Variants in NIBAN1 observed in about 807,000 individuals in gnomAD.
NIBAN1 encodes protein Niban 1.
In NIBAN1, 81 loss-of-function variants were observed where a neutral mutation model predicts 75.1. That is an observed-to-expected ratio of 1.08 (90% CI 0.90 to 1.30). The LOEUF is 1.30. Ranked by LOEUF, NIBAN1 falls within the 50% of genes most tolerant of loss-of-function variation. The pLI, the probability that NIBAN1 is intolerant of heterozygous loss-of-function variation, is 0.00. For missense variants in NIBAN1, 1,133 were observed against 1,128.1 expected, an observed-to-expected ratio of 1.00 and a Z score of -0.06; for synonymous variants, 436 against 424.8, an observed-to-expected ratio of 1.03 and a Z score of -0.32.
intron 1 of NIBAN1, among the ~76,000 whole-genome samples, chr1:184,899,730 G>A (rs545776649): frequency 2.9e-4 from 44 of 149,830 alleles, no homozygotes; most frequent in African/African-American, 1.0e-3. Flanking sequence ...TATTCTCCTC[G>A]ACCTCCAGTC....
chr1:184,957,827 G>T (rs899405008), intron 1 of NIBAN1, among the ~76,000 whole-genome samples: 1 of 152,194 alleles, frequency 6.6e-6, no homozygotes, highest in African/African-American at 2.4e-5. Context: ...TTTTCCAAAG[G>T]TGAAAGCTCC....
chr1:184,901,503 G>A (rs550629268), intron 1 of NIBAN1, among the ~76,000 whole-genome samples: 1 of 152,226 alleles, frequency 6.6e-6, no homozygotes, highest in South Asian at 2.1e-4. Flanking sequence ...GACAGTGTGG[G>A]AATTCCCACA....
At chr1:184,964,067 A>G (rs1447165517) in intron 1 of NIBAN1, among the ~76,000 whole-genome samples, 1 of 150,644 alleles carries the variant, frequency 6.6e-6, no homozygotes, top group Non-Finnish European at 1.5e-5. Context: ...AATAAGCTAA[A>G]AAAAAAAAAA....
chr1:184,894,108 AT>A lies in NIBAN1; in HGVS notation c.284del (p.Asn95MetfsTer32). On this transcript the variant is annotated frameshift_variant, in exon 3 of 14. Coordinates refer to ENST00000367511, the MANE Select transcript of NIBAN1 (RefSeq NM_052966.4). LOFTEE classifies it high-confidence loss of function. The stretch of plus-strand genomic sequence containing the variant: ...TCTCATAGCTCTCCACAGCATAATC[AT>A]TTTTAACTACAACGTATCTCTCCTT... ...KWKERYVVVK[N>X]DYAVESYENK... 1 of 1,612,328 alleles carries A rather than the reference AT, an allele frequency of 6.2e-7. No homozygotes were observed.
chr1:184,964,618 G>A (rs1658732011), intron 1 of NIBAN1, among the ~76,000 whole-genome samples: 1 of 152,136 alleles, frequency 6.6e-6, no homozygotes, highest in East Asian at 1.9e-4. Context: ...GCTCATGCAT[G>A]CAATGCTCTT....
intron 5 of NIBAN1, among the ~76,000 whole-genome samples, chr1:184,835,033 G>A (rs76805606): frequency 0.99 from 150,097 of 152,322 alleles, 73,959 homozygotes; most frequent in East Asian, 1. Flanking sequence ...GGTGTAAGGA[G>A]GGGATCCAGT....
At chr1:184,828,779 A>G (rs76148766) in intron 6 of NIBAN1, among the ~76,000 whole-genome samples, 8,400 of 151,398 alleles carry the variant, frequency 0.055, 276 homozygotes, top group Middle Eastern at 0.088. Context: ...TATTTTACCA[A>G]AACACTTAAA....
chr1:184,814,966 A>C (rs1490642617), intron 9 of NIBAN1, among the ~76,000 whole-genome samples: 1 of 152,218 alleles, frequency 6.6e-6, no homozygotes, highest in African/African-American at 2.4e-5. Flanking sequence ...TCCATGACTC[A>C]TCATGGAAAA....
intron 1 of NIBAN1, among the ~76,000 whole-genome samples, chr1:184,971,408 A>T (rs1658933050): frequency 6.6e-6 from 1 of 152,108 alleles, no homozygotes; most frequent in Non-Finnish European, 1.5e-5. Flanking sequence ...ACGGTATCTC[A>T]TGCCTATAAT....
intron 5 of NIBAN1, among the ~76,000 whole-genome samples, chr1:184,845,465 A>C (rs1297439206): frequency 1.3e-5 from 2 of 152,224 alleles, no homozygotes; most frequent in African/African-American, 4.8e-5. Context: ...TTTAACTGCA[A>C]AAAGCAGATT....
chr1:184,943,126 T>G (rs919972881), intron 1 of NIBAN1, among the ~76,000 whole-genome samples: 1 of 152,216 alleles, frequency 6.6e-6, no homozygotes, highest in African/African-American at 2.4e-5. Context: ...GACATAAAAT[T>G]CTGCTGCTTC....
chr1:184,903,450 T>C lies in NIBAN1; in HGVS notation c.56-4141A>G, dbSNP rs530147558. On this transcript the variant is annotated intron_variant, in intron 1 of 13. Transcript: ENST00000367511. Reference sequence around the variant, plus strand: ...CCCCAATGTTGGAGGTGTGGCCTGGTGGGAGGTGTTTGGGTCATGGGGGCG... The same window carrying C: ...CCCCAATGTTGGAGGTGTGGCCTGGCGGGAGGTGTTTGGGTCATGGGGGCG... Among the ~76,000 whole-genome samples the C allele has an allele frequency of 3.2e-4, 48 of 152,244 alleles. 1 individual carries two copies. Among genetic ancestry groups the C allele is most frequent in the South Asian group, 2.3e-3 (11 of 4,822 alleles).
chr1:184,803,682 T>A lies in NIBAN1; in HGVS notation c.1457A>T (p.Tyr486Phe). 2 of 1,613,840 alleles carry A rather than the reference T, an allele frequency of 1.2e-6. No individual in the cohort carries two copies. The highest frequency in any genetic ancestry group is 1.7e-6 in the Non-Finnish European group (2 of 1,179,698). The change falls in exon 12 of 14, where the codon TAT becomes TTT. Residue 486 changes from tyrosine (Y) to phenylalanine (F), a missense_variant. Transcript: ENST00000367511. ...VKLRVLKQYD[Y>F]DSSTIRKKIF... Reference sequence around the variant, plus strand: ...CTTCTTTCGGATGGTGCTGCTGTCATAATCATATTGCTGTCAATAAAGAAA... The same window carrying A: ...CTTCTTTCGGATGGTGCTGCTGTCAAAATCATATTGCTGTCAATAAAGAAA...
intron 5 of NIBAN1, among the ~76,000 whole-genome samples, chr1:184,862,960 C>A (rs542087759): frequency 2.0e-5 from 3 of 152,042 alleles, no homozygotes; most frequent in African/African-American, 7.2e-5. Flanking sequence ...AGCCCAGTAT[C>A]TGGTATTTAT....
intron 9 of NIBAN1, among the ~76,000 whole-genome samples, chr1:184,818,319 C>G (rs1654595083): frequency 6.6e-6 from 1 of 152,034 alleles, no homozygotes; most frequent in Admixed American, 6.6e-5. Context: ...CTGGGGTGGA[C>G]TAGGATTAGT....
At chr1:184,939,368 G>A (rs1252199062) in intron 1 of NIBAN1, among the ~76,000 whole-genome samples, 2 of 152,146 alleles carry the variant, frequency 1.3e-5, no homozygotes, top group Non-Finnish European at 2.9e-5. Flanking sequence ...AAGTGACAAG[G>A]CCAAGGCTTC....
chr1:184,799,269 A>C, intron 12 of NIBAN1, among the ~76,000 whole-genome samples: 1 of 147,038 alleles, frequency 6.8e-6, no homozygotes. Flanking sequence ...TTCAATTCCC[A>C]CCTATGAGTG....
At chr1:184,818,019 T>G (rs995942161) in intron 9 of NIBAN1, among the ~76,000 whole-genome samples, 2 of 152,252 alleles carry the variant, frequency 1.3e-5, no homozygotes, top group Non-Finnish European at 2.9e-5. Flanking sequence ...ATAAATTTGT[T>G]CTGACCGTGA....
At chr1:184,855,584 C>T (rs920909180) in intron 5 of NIBAN1, among the ~76,000 whole-genome samples, 1 of 152,110 alleles carries the variant, frequency 6.6e-6, no homozygotes, top group African/African-American at 2.4e-5. Context: ...TGACCTCTCC[C>T]CCTTCAACCC....
Sources: allele counts gnomAD v4.1 joint callset (sites outside exome capture counted in the v4.1 genomes callset), GRCh38; gene constraint gnomAD v4.1.1; transcripts MANE v1.5; gene names NCBI Gene and HGNC (gene_info 2026-07-23, HGNC 2026-07-21).